Variants in NPTX2 observed in about 807,000 individuals in gnomAD.
NPTX2 encodes neuronal pentraxin 2, also known as neuronal pentraxin-2.
Under a neutral mutation model 38.1 loss-of-function variants are expected in NPTX2, and 23 were observed. The ratio of observed to expected loss-of-function variants is 0.60; its 90% CI spans 0.43 to 0.85. The LOEUF (loss-of-function observed/expected upper bound fraction) is 0.85. Among genes scored for constraint, NPTX2 ranks in the 40% least tolerant of loss-of-function variants. NPTX2 has a pLI of 0.00. For synonymous variants in NPTX2, 291 were observed against 287.3 expected (o/e 1.01, Z -0.13); for missense variants, 553 against 615.3 (o/e 0.90, Z 1.07).
chr7:98,622,468 A>G (rs1283706476), intron 2 of NPTX2, among the ~76,000 whole-genome samples: 1 of 152,256 alleles, frequency 6.6e-6, no homozygotes, highest in Non-Finnish European at 1.5e-5. Context: ...TGCCTTCATT[A>G]AGGACATGGT....
chr7:98,618,743 C>T (rs915542391), intron 1 of NPTX2, among the ~76,000 whole-genome samples: 6 of 151,732 alleles, frequency 4.0e-5, no homozygotes, highest in Non-Finnish European at 8.8e-5. Flanking sequence ...CTGTTAATAG[C>T]CTTTGTGAAA....
At chr7:98,624,867 G>T (rs368111701) in intron 2 of NPTX2, 55 bp from the exon 3 acceptor site, 1 of 1,572,598 alleles carries the variant, frequency 6.4e-7, no homozygotes, top group African/African-American at 1.3e-5. Context: ...GGCCGTGCTG[G>T]TGGGTGGTGG....
chr7:98,622,536 C>T (rs1001076948), intron 2 of NPTX2, among the ~76,000 whole-genome samples: 4 of 152,222 alleles, frequency 2.6e-5, no homozygotes, highest in Admixed American at 1.3e-4. Flanking sequence ...GAGGGACTTC[C>T]GGCCCCTGGC....
chr7:98,620,453 T>G (rs1047992294), intron 2 of NPTX2, among the ~76,000 whole-genome samples: 2 of 152,130 alleles, frequency 1.3e-5, no homozygotes, highest in African/African-American at 4.8e-5. Flanking sequence ...GTGTTACTGT[T>G]CCATTTTACA....
At position 98,619,700 on chromosome 7, in the gene NPTX2, C is replaced by T; in HGVS notation, c.484C>T (p.Leu162Phe). 6.2e-7 allele frequency: 1 copy of T among 1,613,552 alleles called. No individual in the cohort carries two copies. Among genetic ancestry groups the T allele is most frequent in the South Asian group, 1.1e-5 (1 of 91,082 alleles). Residue 162 changes from leucine (L) to phenylalanine (F), a missense_variant, in exon 2 of 5, where the codon CTC becomes TTC. By Grantham distance (22) the Leu-to-Phe change is conservative. Coordinates refer to ENST00000265634, the MANE Select transcript of NPTX2 (RefSeq NM_002523.3). ...AGLPGDFREV[L>F]QQRLGELERQ... The stretch of plus-strand genomic sequence containing the variant: ...GCTGCCCGGCGACTTCCGCGAGGTG[C>T]TCCAGCAGCGGCTGGGGGAGCTGGA...
In NPTX2 at chr7:98,628,400, A is replaced by T; in HGVS notation, c.1069-2A>T. 6.5e-7 allele frequency: 1 copy of T among 1,547,938 alleles called. No individual in the cohort carries two copies. Among genetic ancestry groups the T allele is most frequent in the Non-Finnish European group, 8.9e-7 (1 of 1,124,382 alleles). On this transcript the variant is annotated splice_acceptor_variant, in intron 4 of 4. Coordinates refer to ENST00000265634, the MANE Select transcript of NPTX2 (RefSeq NM_002523.3). LOFTEE classifies it high-confidence loss of function. ...CGCAGCTCTCTTGTTCCCATTCCCCAGGACACCGTGGGGGGTAGGTTTGAT... is the reference window on the plus strand; with the variant it reads ...CGCAGCTCTCTTGTTCCCATTCCCCTGGACACCGTGGGGGGTAGGTTTGAT...
chr7:98,620,739 C>T (rs532964199), intron 2 of NPTX2, among the ~76,000 whole-genome samples: 64 of 152,134 alleles, frequency 4.2e-4, no homozygotes, highest in Non-Finnish European at 7.6e-4. Flanking sequence ...AGCGTGGCTC[C>T]GTGGACCCAG....
At position 98,619,869 on chromosome 7, in the gene NPTX2, T is replaced by C; in HGVS notation, c.643+10T>C. On this transcript the variant is annotated intron_variant, in intron 2 of 4. Coordinates refer to ENST00000265634, the MANE Select transcript of NPTX2 (RefSeq NM_002523.3). Reference sequence around the variant, plus strand: ...ACCGAGCTGGAGCGAGGTGTGTGCCTGGCCTGTTTCTCTGTCTGGCAGTGG... The same window carrying C: ...ACCGAGCTGGAGCGAGGTGTGTGCCCGGCCTGTTTCTCTGTCTGGCAGTGG... 1 of 1,611,430 alleles carries C rather than the reference T, an allele frequency of 6.2e-7. No homozygotes were observed. The highest frequency in any genetic ancestry group is 8.5e-7 in the Non-Finnish European group (1 of 1,178,478).
chr7:98,619,604 C>T (rs142666564), intron 1 of NPTX2, 39 bp from the exon 2 acceptor site: 34,443 of 1,549,556 alleles, frequency 0.022, 453 homozygotes, highest in Non-Finnish European at 0.026. Context: ...TTCTTTTTAA[C>T]TCTTTCTGTG....
At chr7:98,620,517 C>T (rs377746616) in intron 2 of NPTX2, among the ~76,000 whole-genome samples, 64 of 152,306 alleles carry the variant, frequency 4.2e-4, no homozygotes, top group African/African-American at 1.5e-3. Flanking sequence ...TCTCTTCCTA[C>T]AGAAAAACCT....
At chr7:98,626,598 A>G (rs1453269060) in intron 3 of NPTX2, among the ~76,000 whole-genome samples, 1 of 152,210 alleles carries the variant, frequency 6.6e-6, no homozygotes, top group Non-Finnish European at 1.5e-5. Flanking sequence ...ACCAGCAGCA[A>G]CAACGCGGTG....
Position 98,619,877 on chromosome 7 carries a change from T to TAG in NPTX2, c.643+18_643+19insAG, listed in dbSNP as rs1272425902. The TAG allele has an allele frequency of 6.2e-7, 1 of 1,608,098 alleles. No individual in the cohort carries two copies. The highest frequency in any genetic ancestry group is 8.5e-7 in the Non-Finnish European group (1 of 1,176,124). On this transcript the variant is annotated intron_variant, in intron 2 of 4. Transcript: ENST00000265634. ...GGAGCGAGGTGTGTGCCTGGCCTGTTTCTCTGTCTGGCAGTGGCCTGATTT... is the reference window on the plus strand; with the variant it reads ...GGAGCGAGGTGTGTGCCTGGCCTGTTAGTCTCTGTCTGGCAGTGGCCTGATTT...
Position 98,617,881 on chromosome 7 carries a change from C to A in NPTX2, c.420C>A (p.Ser140Arg). 1 of 1,553,438 alleles carries A rather than the reference C, an allele frequency of 6.4e-7. No individual in the cohort carries two copies. Among genetic ancestry groups the A allele is most frequent in the Middle Eastern group, 1.9e-4 (1 of 5,382 alleles). Reference sequence around the variant, plus strand: ...AGACCCTCAAGGACCGCCTGGAGAGCCTCGAGGTAGCGGCCCGCGGGGAGC... The same window carrying A: ...AGACCCTCAAGGACCGCCTGGAGAGACTCGAGGTAGCGGCCCGCGGGGAGC... ...SLQTLKDRLE[S>R]LEHQLRANVS... The change falls in exon 1 of 5, where the codon AGC becomes AGA. Residue 140 changes from serine (S) to arginine (R), a missense_variant. By Grantham distance (110) the Ser-to-Arg change is moderately radical. Transcript: ENST00000265634.
chr7:98,619,845 C>T lies in NPTX2; in HGVS notation c.629C>T (p.Thr210Ile), dbSNP rs770355969. ...STLNALLQRV[T>I]ELERGNSAFK... The stretch of plus-strand genomic sequence containing the variant: ...CTGAACGCGCTGCTGCAGAGGGTCA[C>T]CGAGCTGGAGCGAGGTGTGTGCCTG... The change falls in exon 2 of 5, where the codon ACC becomes ATC. Residue 210 changes from threonine (T) to isoleucine (I), a missense_variant. By Grantham distance (89) the Thr-to-Ile change is moderately conservative. Transcript: ENST00000265634. The T allele has an allele frequency of 6.2e-6, 10 of 1,613,832 alleles. No individual in the cohort carries two copies. Among genetic ancestry groups the T allele is most frequent in the Middle Eastern group, 3.3e-4 (2 of 5,984 alleles).
chr7:98,629,573 C>T lies in NPTX2; in HGVS notation c.*944C>T, dbSNP rs1387320191. 6.6e-6 allele frequency: 1 copy of T among 152,444 alleles called. No homozygotes were observed. Among genetic ancestry groups the T allele is most frequent in the Non-Finnish European group, 1.5e-5 (1 of 68,018 alleles). The allele number at this position is 152,444 out of a possible 1,614,324, so 9.4% of individuals were successfully genotyped here. ...CTTGTAAGCACTGGACTGTCTTCAT[C>T]AAGTATTTCCCTACAGAACTCCTCA... On this transcript the variant is annotated 3_prime_UTR_variant, in exon 5 of 5. Coordinates refer to ENST00000265634, the MANE Select transcript of NPTX2 (RefSeq NM_002523.3).
In NPTX2 at chr7:98,619,791, C is replaced by T. The variant is rs764088596; in HGVS notation, c.575C>T (p.Ser192Leu). The change falls in exon 2 of 5, where the codon TCG (serine) becomes TTG (leucine). Residue 192 changes from serine to leucine, a missense_variant. Ser to Leu is a moderately radical substitution (Grantham distance 145). Transcript: ENST00000265634. ...DEKSLLHNET[S>L]AHRQKTESTL... ...AAGTCCCTGCTGCACAATGAGACCT[C>T]GGCTCACCGGCAGAAGACCGAGAGC... The T allele has an allele frequency of 7.4e-6, 12 of 1,613,706 alleles. No homozygotes were observed. Among genetic ancestry groups the T allele is most frequent in the Non-Finnish European group, 1.0e-5 (12 of 1,180,048 alleles).
intron 2 of NPTX2, among the ~76,000 whole-genome samples, chr7:98,621,135 T>A (rs1791263897): frequency 6.6e-6 from 1 of 152,086 alleles, no homozygotes; most frequent in Non-Finnish European, 1.5e-5. Flanking sequence ...TCAAGGCCAA[T>A]GTCATTTCAC....
At position 98,629,638 on chromosome 7, in the gene NPTX2, C is replaced by T. The variant is rs1457453396; in HGVS notation, c.*1009C>T. 6.6e-6 allele frequency: 1 copy of T among 152,554 alleles called. No homozygotes were observed. The highest frequency in any genetic ancestry group is 1.5e-5 in the Non-Finnish European group (1 of 68,040). 9.5% of individuals were successfully genotyped at this position (152,554 alleles called of 1,614,324 possible). Reference sequence around the variant, plus strand: ...ATTTGGCTAGAGATTGTCTGAGTGACTCCAAGCTACTCACTGTATTGGACG... The same window carrying T: ...ATTTGGCTAGAGATTGTCTGAGTGATTCCAAGCTACTCACTGTATTGGACG... On this transcript the variant is annotated 3_prime_UTR_variant, in exon 5 of 5. Coordinates refer to ENST00000265634, the MANE Select transcript of NPTX2 (RefSeq NM_002523.3).
chr7:98,623,425 C>T (rs886718963), intron 2 of NPTX2, among the ~76,000 whole-genome samples: 1 of 152,136 alleles, frequency 6.6e-6, no homozygotes, highest in African/African-American at 2.4e-5. Context: ...TTTAGAAGTG[C>T]CAATGACATA....
Sources: allele counts gnomAD v4.1 joint callset (sites outside exome capture counted in the v4.1 genomes callset), GRCh38; gene constraint gnomAD v4.1.1; transcripts MANE v1.5; gene names NCBI Gene and HGNC (gene_info 2026-07-23, HGNC 2026-07-21).